Variants in LRMDA observed in about 807,000 individuals in gnomAD.
LRMDA encodes the protein leucine-rich melanocyte differentiation-associated protein.
Under a neutral mutation model 29.8 loss-of-function variants are expected in LRMDA, and 18 were observed. That is an observed-to-expected ratio of 0.60 (90% CI 0.42 to 0.90). The LOEUF is 0.90. Among genes scored for constraint, LRMDA ranks in the 40% least tolerant of loss-of-function variants. The pLI is 0.00. For missense variants in LRMDA, 273 were observed against 273.9 expected, an observed-to-expected ratio of 1.00 and a Z score of 0.02; for synonymous variants, 125 against 109.4, an observed-to-expected ratio of 1.14 and a Z score of -0.89.
chr10:75,917,292 T>G (rs1767173074), intron 2 of LRMDA, among the ~76,000 whole-genome samples: 1 of 152,134 alleles, frequency 6.6e-6, no homozygotes, highest in South Asian at 2.1e-4. Context: ...CAGTATTCTG[T>G]TTTTGAAACC....
intron 6 of LRMDA, among the ~76,000 whole-genome samples, chr10:76,444,673 T>C (rs544370121): frequency 1.4e-4 from 21 of 152,184 alleles, no homozygotes; most frequent in African/African-American, 4.6e-4. Flanking sequence ...CTATCACACG[T>C]TGACGAATGC....
intron 2 of LRMDA, among the ~76,000 whole-genome samples, chr10:75,830,167 G>A (rs1342790383): frequency 6.6e-6 from 1 of 152,166 alleles, no homozygotes; most frequent in Non-Finnish European, 1.5e-5. Flanking sequence ...ACCCTCCCTT[G>A]AGGGGCTGTT....
At chr10:76,249,138 G>C (rs1420807742) in intron 5 of LRMDA, among the ~76,000 whole-genome samples, 1 of 152,088 alleles carries the variant, frequency 6.6e-6, no homozygotes, top group Non-Finnish European at 1.5e-5. Flanking sequence ...TTTTTCTTGA[G>C]ATTTGCTCAA....
intron 2 of LRMDA, among the ~76,000 whole-genome samples, chr10:75,556,534 C>CTTA (rs1207673243): frequency 6.6e-6 from 1 of 152,220 alleles, no homozygotes; most frequent in African/African-American, 2.4e-5. Context: ...AGAATGGACA[C>CTTA]TTATCCTCAG....
chr10:76,260,361 G>GA (rs543537233), intron 5 of LRMDA, among the ~76,000 whole-genome samples: 199 of 152,252 alleles, frequency 1.3e-3, no homozygotes, highest in African/African-American at 4.6e-3. Context: ...AGCATTTCTT[G>GA]TAAGGCCAAT....
intron 2 of LRMDA, among the ~76,000 whole-genome samples, chr10:75,557,610 G>A (rs1274100656): frequency 1.3e-5 from 2 of 152,108 alleles, no homozygotes; most frequent in Admixed American, 6.5e-5. Context: ...CCTGGCCCTG[G>A]TCCAACTCTA....
Position 75,781,137 on chromosome 10 carries a change from C to A in LRMDA, c.132-254871C>A, listed in dbSNP as rs574438233. On this transcript the variant is annotated intron_variant, in intron 2 of 6. Transcript: ENST00000611255. ...TCCCTGATTGCCCCAGGTAGTCATA[C>A]CTTTCCTCATTGACCTCCTCATTGG... Among the ~76,000 whole-genome samples, 5 of 152,302 alleles carry A rather than the reference C, an allele frequency of 3.3e-5. No individual in the cohort carries two copies. In the South Asian group the frequency reaches 1.0e-3, roughly 32 times the overall value.
At chr10:75,463,512 A>G (rs1232742938) in intron 2 of LRMDA, among the ~76,000 whole-genome samples, 6 of 144,106 alleles carry the variant, frequency 4.2e-5, no homozygotes, top group African/African-American at 1.6e-4. Flanking sequence ...TTTGAGATGG[A>G]GTTTCACTTT....
intron 5 of LRMDA, among the ~76,000 whole-genome samples, chr10:76,240,337 A>G (rs949017221): frequency 6.6e-6 from 1 of 150,660 alleles, no homozygotes; most frequent in Non-Finnish European, 1.5e-5. Context: ...AGGAATGGAA[A>G]ACCAAACATC....
At chr10:76,219,754 C>T (rs1398470021) in intron 5 of LRMDA, among the ~76,000 whole-genome samples, 17 of 152,164 alleles carry the variant, frequency 1.1e-4, no homozygotes, top group Non-Finnish European at 2.2e-4. Flanking sequence ...CTCAGCTCTG[C>T]ACCAAGTGGA....
intron 2 of LRMDA, among the ~76,000 whole-genome samples, chr10:75,810,683 G>A (rs572256678): frequency 6.6e-6 from 1 of 152,254 alleles, no homozygotes; most frequent in South Asian, 2.1e-4. Flanking sequence ...TTTTTGCTTT[G>A]GTGGTGGCAG....
chr10:76,515,059 C>T (rs1314172513), intron 6 of LRMDA, among the ~76,000 whole-genome samples: 1 of 152,112 alleles, frequency 6.6e-6, no homozygotes. Context: ...AATGAGCTGT[C>T]TATTACCTTG....
intron 2 of LRMDA, among the ~76,000 whole-genome samples, chr10:75,846,634 T>C (rs17434600): frequency 6.6e-6 from 1 of 152,048 alleles, no homozygotes; most frequent in African/African-American, 2.4e-5. Flanking sequence ...TTTCATGAGC[T>C]TCAAATGTTA....
chr10:76,031,765 G>A (rs78030570), intron 2 of LRMDA, among the ~76,000 whole-genome samples: 2,179 of 152,340 alleles, frequency 0.014, 45 homozygotes, highest in African/African-American at 0.05. Context: ...AGTCGAGGAA[G>A]TAGGTAAAGA....
At chr10:76,157,046 G>A (rs1850550497) in intron 5 of LRMDA, among the ~76,000 whole-genome samples, 1 of 152,182 alleles carries the variant, frequency 6.6e-6, no homozygotes, top group Non-Finnish European at 1.5e-5. Context: ...TTGGTCTAGA[G>A]AGGAGGAGAA....
At chr10:75,685,729 T>C (rs41470548) in intron 2 of LRMDA, among the ~76,000 whole-genome samples, 5,414 of 152,274 alleles carry the variant, frequency 0.036, 207 homozygotes, top group East Asian at 0.13. Flanking sequence ...TTGCAGTGGA[T>C]CTATTGTTCA....
intron 2 of LRMDA, among the ~76,000 whole-genome samples, chr10:75,973,419 CTTT>C (rs5786207): frequency 3.6e-5 from 5 of 137,038 alleles, no homozygotes; most frequent in Non-Finnish European, 4.8e-5. Context: ...TGCCCTTGTC[CTTT>C]TTTTTTTTTT....
intron 2 of LRMDA, among the ~76,000 whole-genome samples, chr10:75,854,048 C>T (rs1844778773): frequency 1.3e-5 from 2 of 152,096 alleles, no homozygotes; most frequent in South Asian, 4.1e-4. Context: ...TGTTGGTCCT[C>T]ATTCATCTAG....
intron 2 of LRMDA, among the ~76,000 whole-genome samples, chr10:75,829,407 C>T (rs1011883173): frequency 9.9e-5 from 15 of 152,138 alleles, no homozygotes; most frequent in Non-Finnish European, 2.2e-4. Flanking sequence ...TGTGGCCCTG[C>T]AGCTTCTCTC....
Sources: allele counts gnomAD v4.1 joint callset (sites outside exome capture counted in the v4.1 genomes callset), GRCh38; gene constraint gnomAD v4.1.1; transcripts MANE v1.5; gene names NCBI Gene and HGNC (gene_info 2026-07-23, HGNC 2026-07-21).